TUSC3: variants seen among roughly 807,000 people sequenced by gnomAD.
TUSC3 encodes dolichyl-diphosphooligosaccharide--protein glycosyltransferase subunit TUSC3.
TUSC3 carries 45 observed loss-of-function variants against 44.8 expected under a neutral mutation model. The observed-to-expected ratio is 1.00, with a 90% confidence interval of 0.79 to 1.29. TUSC3 has a LOEUF of 1.29. Ranked by LOEUF, TUSC3 falls within the 50% of genes most tolerant of loss-of-function variation. The probability of loss-of-function intolerance (pLI) is 0.00; values close to 1 mark genes in which losing one functional copy is unlikely to be tolerated. For missense variants in TUSC3, 519 were observed against 437.9 expected (o/e 1.19, Z -1.65); for synonymous variants, 212 against 152.9 (o/e 1.39, Z -2.85).
the TUSC3 span, among the ~76,000 whole-genome samples, chr8:15,809,996 A>G: frequency 6.6e-6 from 1 of 152,204 alleles, no homozygotes; most frequent in African/African-American, 2.4e-5. Flanking sequence ...TAGTTCTGAG[A>G]CAGACAGAGA....
chr8:15,702,212 C>T (rs1225442365), intron 6 of TUSC3, among the ~76,000 whole-genome samples: 2 of 152,022 alleles, frequency 1.3e-5, no homozygotes, highest in Non-Finnish European at 2.9e-5. Flanking sequence ...ATAGGTACTT[C>T]AGATGGAAGA....
chr8:15,843,621 T>TATACACACACAC, the TUSC3 span, among the ~76,000 whole-genome samples: 6 of 146,732 alleles, frequency 4.1e-5, no homozygotes, highest in African/African-American at 1.6e-4. Context: ...TATATATATA[T>TATACACACACAC]ACACGCACAT....
chr8:15,771,777 G>A, the TUSC3 span, among the ~76,000 whole-genome samples: 3 of 152,046 alleles, frequency 2.0e-5, no homozygotes. Context: ...ATTTGTAGCT[G>A]GAAATGTCTG....
the TUSC3 span, among the ~76,000 whole-genome samples, chr8:15,772,536 T>C: frequency 6.6e-6 from 1 of 152,054 alleles, no homozygotes; most frequent in African/African-American, 2.4e-5. Context: ...AACCTCCCAA[T>C]AAAGGAAAAC....
At chr8:15,561,665 G>A in intron 1 of TUSC3, 1 of 152,770 alleles carries the variant, frequency 6.5e-6, no homozygotes. Context: ...GACTCCGTGG[G>A]TGTAGGACCC....
intron 2 of TUSC3, among the ~76,000 whole-genome samples, chr8:15,511,901 T>C (rs1424425179): frequency 2.0e-5 from 3 of 151,706 alleles, no homozygotes; most frequent in Non-Finnish European, 4.4e-5. Flanking sequence ...GAATGGAGCA[T>C]GGATCAGTAG....
At chr8:15,840,121 G>T in the TUSC3 span, among the ~76,000 whole-genome samples, 4 of 152,002 alleles carry the variant, frequency 2.6e-5, no homozygotes, top group African/African-American at 9.7e-5. Context: ...GCAAACTATC[G>T]CAAGACCAAA....
At position 15,518,946 on chromosome 8, in the gene TUSC3, C is replaced by G. The variant is rs185220730; in HGVS notation, n.189+35463C>G. Among the ~76,000 whole-genome samples, 370 of 152,244 alleles carry G rather than the reference C, an allele frequency of 2.4e-3. 3 individuals are homozygous for G. Among genetic ancestry groups the G allele is most frequent in the African/African-American group, 8.4e-3 (349 of 41,556 alleles). On this transcript the variant is annotated intron_variant and non_coding_transcript_variant, in intron 2 of 5. Transcript: ENST00000503191. ...TGTTCAGTGAACTTTGCCCATGATT[C>G]TACAAGTCTAAACTAAAATCGAATC... is the stretch of plus-strand genomic sequence containing the variant.
intron 1 of TUSC3, among the ~76,000 whole-genome samples, chr8:15,482,260 C>T (rs891169041): frequency 6.6e-6 from 1 of 152,188 alleles, no homozygotes; most frequent in African/African-American, 2.4e-5. Context: ...CCACTGAAGT[C>T]TTGAGCCCCT....
the TUSC3 span, among the ~76,000 whole-genome samples, chr8:15,803,623 C>T: frequency 6.6e-6 from 1 of 152,142 alleles, no homozygotes; most frequent in Non-Finnish European, 1.5e-5. Context: ...TATACACCTG[C>T]CATGGTGGTT....
chr8:15,486,658 T>A lies in TUSC3; in HGVS notation n.189+3175T>A, dbSNP rs573785894. On this transcript the variant is annotated intron_variant and non_coding_transcript_variant, in intron 2 of 5. Coordinates refer to the TUSC3 transcript ENST00000503191. ...TGGGGTTTCACCATCTTGGCCAGGC[T>A]GGTTTTGAGCTCCTGACCTCGTGAT... 2.6e-5 allele frequency among the ~76,000 whole-genome samples: 4 copies of A among 152,184 alleles called. No individual in the cohort carries two copies. The East Asian group carries it at 7.8e-4, about 30-fold the overall frequency.
At chr8:15,764,065 A>G (rs977297044) in intron 10 of TUSC3, 138 bp from the exon 11 acceptor site, 56 of 942,382 alleles carry the variant, frequency 5.9e-5, no homozygotes, top group Non-Finnish European at 8.5e-5. Flanking sequence ...GCCCTGATGT[A>G]AAAATTACAA....
chr8:15,467,538 T>G (rs1800429559), intron 1 of TUSC3, among the ~76,000 whole-genome samples: 2 of 152,176 alleles, frequency 1.3e-5, no homozygotes, highest in Admixed American at 1.3e-4. Context: ...TATTCTGAAC[T>G]GCCAGTTTCA....
At chr8:15,591,492 G>A (rs1316684454) in intron 1 of TUSC3, among the ~76,000 whole-genome samples, 1 of 152,204 alleles carries the variant, frequency 6.6e-6, no homozygotes, top group East Asian at 1.9e-4. Flanking sequence ...TTATGAGCAA[G>A]ATGTGAATAT....
At chr8:15,760,446 G>C (rs1194389257) in intron 10 of TUSC3, among the ~76,000 whole-genome samples, 1 of 152,118 alleles carries the variant, frequency 6.6e-6, no homozygotes, top group Non-Finnish European at 1.5e-5. Flanking sequence ...ACTATTTTAA[G>C]TTTTATGCCA....
At chr8:15,609,834 T>C (rs886438238) in intron 1 of TUSC3, among the ~76,000 whole-genome samples, 10 of 152,056 alleles carry the variant, frequency 6.6e-5, no homozygotes, top group Admixed American at 5.2e-4. Context: ...TTTCAACTAT[T>C]TACATGACTT....
At chr8:15,730,385 T>G (rs1810668684) in intron 6 of TUSC3, among the ~76,000 whole-genome samples, 1 of 152,148 alleles carries the variant, frequency 6.6e-6, no homozygotes. Context: ...GGAATCATAT[T>G]TTATGTGTGT....
At chr8:15,554,377 C>A (rs1461722125) in intron 1 of TUSC3, among the ~76,000 whole-genome samples, 1 of 151,582 alleles carries the variant, frequency 6.6e-6, no homozygotes, top group Non-Finnish European at 1.5e-5. Context: ...TTGCTGTATT[C>A]TTTTTTCCTG....
chr8:15,572,274 A>T (rs1487765948), intron 1 of TUSC3, among the ~76,000 whole-genome samples: 1 of 152,104 alleles, frequency 6.6e-6, no homozygotes, highest in Non-Finnish European at 1.5e-5. Context: ...TTCATCTTGG[A>T]CTTTTATGTT....
Sources: gnomAD v4.1 joint callset for allele counts (sites outside exome capture counted in the v4.1 genomes callset) on GRCh38, gnomAD v4.1.1 for gene constraint, MANE v1.5 for transcripts, NCBI Gene and HGNC (gene_info 2026-07-23, HGNC 2026-07-21) for gene names.